The following DMD variants were observed in gnomAD, a reference collection of about 807,000 sequenced individuals.
DMD encodes mutant dystrophin.
In DMD, 63 loss-of-function variants were observed where a neutral mutation model predicts 330.1. The observed-to-expected ratio is 0.19, with a 90% CI of 0.16 to 0.24. DMD has a LOEUF of 0.24. Ranked by LOEUF, DMD falls within the 10% of genes least tolerant of loss-of-function variation. The probability of loss-of-function intolerance (pLI) is 1.00; values close to 1 mark genes in which losing one functional copy is unlikely to be tolerated. For synonymous variants in DMD, 1,223 were observed against 959.8 expected, an observed-to-expected ratio of 1.27 and a Z score of -5.07; for missense variants, 3,344 against 2,684.1, an observed-to-expected ratio of 1.25 and a Z score of -5.43.
intron 30 of DMD, among the ~76,000 whole-genome samples, chrX:32,391,512 T>C (rs2098002090): frequency 8.9e-6 from 1 of 111,963 alleles, no homozygotes; most frequent in African/African-American, 3.2e-5. Flanking sequence ...CTAACAATTA[T>C]AGAGGCAAAT....
intron 6 of DMD, among the ~76,000 whole-genome samples, chrX:32,815,520 TACACACACACAC>T (rs1557051739): frequency 1.3e-5 from 1 of 78,953 alleles, no homozygotes. Context: ...TATATATATA[TACACACACACAC>T]ACACATATAT....
chrX:31,791,282 T>G (rs1023058679), intron 50 of DMD, among the ~76,000 whole-genome samples: 26 of 112,071 alleles, frequency 2.3e-4, no homozygotes, highest in African/African-American at 8.1e-4. Flanking sequence ...TCTAAATATT[T>G]TTATATTTTT....
chrX:31,585,567 T>C (rs993459606), intron 55 of DMD, among the ~76,000 whole-genome samples: 3 of 108,668 alleles, frequency 2.8e-5, no homozygotes, highest in African/African-American at 1.0e-4. Context: ...CAGCTTTTTT[T>C]CCAAATTATC....
chrX:33,232,173 T>C (rs1603422394), intron 1 of DMD, among the ~76,000 whole-genome samples: 1 of 112,067 alleles, frequency 8.9e-6, no homozygotes, highest in East Asian at 2.8e-4. Context: ...TGCCAGTAGA[T>C]CTGCCTTGCA....
chrX:33,008,945 T>C (rs1202655767), intron 2 of DMD, among the ~76,000 whole-genome samples: 1 of 86,187 alleles, frequency 1.2e-5, no homozygotes, highest in African/African-American at 4.5e-5. Flanking sequence ...TACACACGTA[T>C]ATATACGTAT....
chrX:31,505,441 A>G (rs1248417241), intron 56 of DMD, among the ~76,000 whole-genome samples: 1 of 111,058 alleles, frequency 9.0e-6, no homozygotes, highest in East Asian at 2.8e-4. Flanking sequence ...AACCTGTTCT[A>G]CTCCTAGCAA....
intron 7 of DMD, among the ~76,000 whole-genome samples, chrX:32,755,459 A>G (rs867808326): frequency 8.9e-6 from 1 of 111,737 alleles, no homozygotes; most frequent in Non-Finnish European, 1.9e-5. Context: ...CCTGAAATGT[A>G]TTCTGAATTC....
chrX:33,250,447 C>A (rs1160919790), intron 1 of DMD, among the ~76,000 whole-genome samples: 1 of 110,604 alleles, frequency 9.0e-6, no homozygotes, highest in Non-Finnish European at 1.9e-5. Context: ...ACCTTCTGCT[C>A]ACCTCCTGCT....
At chrX:32,379,785 T>C (rs1432239590) in intron 34 of DMD, among the ~76,000 whole-genome samples, 1 of 111,133 alleles carries the variant, frequency 9.0e-6, no homozygotes, top group African/African-American at 3.3e-5. Flanking sequence ...ATCTAGTTAA[T>C]TTGGTAACTT....
At chrX:32,341,267 G>A (rs1327130748) in intron 41 of DMD, among the ~76,000 whole-genome samples, 1 of 111,466 alleles carries the variant, frequency 9.0e-6, no homozygotes, top group Non-Finnish European at 1.9e-5. Flanking sequence ...TTTGTGAGGA[G>A]TACTTTCTTC....
At chrX:32,993,725 G>C (rs1256331956) in intron 2 of DMD, among the ~76,000 whole-genome samples, 1 of 110,674 alleles carries the variant, frequency 9.0e-6, no homozygotes, top group Non-Finnish European at 1.9e-5. Context: ...TGTGTGTTTT[G>C]GGGGGTACTG....
intron 60 of DMD, among the ~76,000 whole-genome samples, chrX:31,438,938 A>G (rs752583926): frequency 9.0e-6 from 1 of 111,597 alleles, no homozygotes; most frequent in East Asian, 2.8e-4. Flanking sequence ...TGGTTCTGAT[A>G]TAAGAATTGC....
chrX:31,143,041 G>A (rs1327583668), intron 76 of DMD, among the ~76,000 whole-genome samples: 1 of 112,305 alleles, frequency 8.9e-6, no homozygotes, highest in Non-Finnish European at 1.9e-5. Flanking sequence ...TCCCAGCCTT[G>A]TATCTCAAAC....
chrX:31,416,149 T>C (rs1300880500), intron 60 of DMD, among the ~76,000 whole-genome samples: 1 of 112,144 alleles, frequency 8.9e-6, no homozygotes, highest in Non-Finnish European at 1.9e-5. Context: ...CAAATGGTTA[T>C]TTTAATTAGG....
chrX:31,312,587 C>T (rs1448214365), intron 62 of DMD, among the ~76,000 whole-genome samples: 2 of 112,272 alleles, frequency 1.8e-5, no homozygotes, highest in African/African-American at 6.5e-5. Flanking sequence ...TACCATTTGG[C>T]CCAGCCATCC....
At chrX:32,575,613 T>TA (rs2052952247) in intron 13 of DMD, among the ~76,000 whole-genome samples, 1 of 112,436 alleles carries the variant, frequency 8.9e-6, no homozygotes. Flanking sequence ...TGCATTTTTT[T>TA]AGCTAACTTC....
intron 50 of DMD, among the ~76,000 whole-genome samples, chrX:31,784,326 C>T (rs1471643714): frequency 3.6e-5 from 4 of 111,504 alleles, no homozygotes; most frequent in Admixed American, 9.5e-5. Flanking sequence ...AGGATGACCA[C>T]GATCATAAAC....
rs1203072082 is a variant in DMD at position 31,890,336 on chromosome X, A to AT, written c.6913-14964dup. Reference sequence around the variant, plus strand: ...CCAGCCTGGGAGGCAACATAGTGAGATTGTTGTTTCAAAAAAAACAAAACA... The same window carrying AT: ...CCAGCCTGGGAGGCAACATAGTGAGATTTGTTGTTTCAAAAAAAACAAAACA... On this transcript the variant is annotated intron_variant, in intron 47 of 78. Transcript: ENST00000357033. Among the ~76,000 whole-genome samples, 3 of 99,425 alleles carry AT rather than the reference A, an allele frequency of 3.0e-5. No individual in the cohort carries two copies. In the Admixed American group the frequency reaches 3.5e-4, roughly 12 times the overall value. The allele number at this position is 99,425 out of a possible 115,157, so 86.3% of individuals were successfully genotyped here.
intron 1 of DMD, among the ~76,000 whole-genome samples, chrX:33,248,242 C>T (rs932042659): frequency 9.0e-6 from 1 of 110,937 alleles, no homozygotes. Flanking sequence ...GTGGTTTCAC[C>T]GTGTTAGCCA....
Sources: allele counts gnomAD v4.1 joint callset (sites outside exome capture counted in the v4.1 genomes callset), GRCh38; gene constraint gnomAD v4.1.1; transcripts MANE v1.5; gene names NCBI Gene and HGNC (gene_info 2026-07-23, HGNC 2026-07-21).